Variants in MEGF11 observed in about 807,000 individuals in gnomAD.
MEGF11 encodes multiple EGF like domains 11.
A neutral mutation model predicts 146.6 loss-of-function variants in MEGF11; 126 were observed. That is an observed-to-expected ratio of 0.86 (90% CI 0.74 to 1.00). MEGF11 has a LOEUF of 1.00. Ranked by LOEUF, MEGF11 falls within the 50% of genes least tolerant of loss-of-function variation. MEGF11 has a pLI of 0.00. For missense variants in MEGF11, 1,509 were observed against 1,521.2 expected (o/e 0.99, Z 0.13); for synonymous variants, 532 against 583.4 (o/e 0.91, Z 1.27).
intron 8 of MEGF11, among the ~76,000 whole-genome samples, chr15:65,966,100 A>G (rs2081086431): frequency 6.6e-6 from 1 of 152,108 alleles, no homozygotes; most frequent in South Asian, 2.1e-4. Flanking sequence ...GGTTCAAGCT[A>G]TTCTCCTGCC....
chr15:66,209,349 TA>T (rs751648172), intron 1 of MEGF11, among the ~76,000 whole-genome samples: 44 of 138,482 alleles, frequency 3.2e-4, no homozygotes, highest in African/African-American at 3.2e-4. Flanking sequence ...GACTCCATCT[TA>T]AAAAAAAAAA....
intron 13 of MEGF11, among the ~76,000 whole-genome samples, chr15:65,927,115 T>G (rs1179011562): frequency 6.6e-6 from 1 of 152,248 alleles, no homozygotes; most frequent in Non-Finnish European, 1.5e-5. Context: ...GACTGGCTAG[T>G]AGGTTCACTT....
chr15:66,022,694 G>T (rs1165849932), intron 5 of MEGF11, among the ~76,000 whole-genome samples: 1 of 151,970 alleles, frequency 6.6e-6, no homozygotes, highest in African/African-American at 2.4e-5. Context: ...CTGAGGCGTG[G>T]TGGCGCATGC....
intron 24 of MEGF11, chr15:65,905,730 C>T (rs1048785172): frequency 1.1e-5 from 2 of 179,680 alleles, no homozygotes; most frequent in African/African-American, 4.7e-5. Context: ...GACAGGAGGC[C>T]TCTGGGGCAG....
At chr15:65,984,403 G>A (rs967279023) in intron 5 of MEGF11, among the ~76,000 whole-genome samples, 13 of 151,936 alleles carry the variant, frequency 8.6e-5, no homozygotes, top group African/African-American at 3.1e-4. Context: ...GCATGCGCCT[G>A]TAGTCCCAGC....
chr15:66,165,946 G>A (rs533871873), intron 1 of MEGF11, among the ~76,000 whole-genome samples: 3 of 152,280 alleles, frequency 2.0e-5, no homozygotes, highest in East Asian at 3.9e-4. Flanking sequence ...GCCAGGCAGG[G>A]TGGCTGAGCT....
intron 5 of MEGF11, among the ~76,000 whole-genome samples, chr15:66,007,019 T>C (rs565122772): frequency 6.6e-6 from 1 of 152,224 alleles, no homozygotes; most frequent in Non-Finnish European, 1.5e-5. Flanking sequence ...ATTCTTCCCC[T>C]CTTGGCTCAG....
At chr15:66,036,638 G>C (rs1417912419) in intron 5 of MEGF11, among the ~76,000 whole-genome samples, 2 of 152,136 alleles carry the variant, frequency 1.3e-5, no homozygotes, top group African/African-American at 4.8e-5. Flanking sequence ...TTCATCTTTG[G>C]AGTCCATGTC....
chr15:66,052,435 T>C (rs2084488968), intron 5 of MEGF11, among the ~76,000 whole-genome samples: 1 of 152,136 alleles, frequency 6.6e-6, no homozygotes, highest in African/African-American at 2.4e-5. Flanking sequence ...TTGAAAGAGC[T>C]CTCAAAAGCA....
At chr15:65,931,029 C>T in intron 10 of MEGF11, 86 bp from the exon 11 acceptor site, 12 of 1,378,156 alleles carry the variant, frequency 8.7e-6, no homozygotes, top group South Asian at 1.6e-5. Context: ...CCTGCTGCCC[C>T]CAACATGTCC....
At chr15:66,126,907 G>A (rs997569458) in intron 2 of MEGF11, among the ~76,000 whole-genome samples, 6 of 152,196 alleles carry the variant, frequency 3.9e-5, no homozygotes, top group Non-Finnish European at 8.8e-5. Flanking sequence ...CAGCATCTCC[G>A]GGATAGGCCC....
chr15:66,033,096 A>G lies in MEGF11; in HGVS notation c.395-50608T>C, dbSNP rs767388109. Among the ~76,000 whole-genome samples, 298 of 151,308 alleles carry G rather than the reference A, an allele frequency of 2.0e-3. 2 individuals carry two copies. Among genetic ancestry groups the G allele is most frequent in the Non-Finnish European group, 3.4e-3 (232 of 67,752 alleles). On this transcript the variant is annotated intron_variant, in intron 5 of 25. Coordinates refer to ENST00000395614, the MANE Select transcript of MEGF11 (RefSeq NM_001385028.1). ...ACTCCATCAAAAAAAAAAAAAAAAA[A>G]AAAAAAAAAGAAGCAGAGAAGAAAT...
chr15:65,956,700 C>T (rs569636102), intron 10 of MEGF11, among the ~76,000 whole-genome samples: 1 of 152,290 alleles, frequency 6.6e-6, no homozygotes, highest in African/African-American at 2.4e-5. Flanking sequence ...ATGTCAAGTT[C>T]CCCAGAAACA....
At chr15:66,141,136 G>A (rs1439278740) in intron 1 of MEGF11, among the ~76,000 whole-genome samples, 4 of 152,044 alleles carry the variant, frequency 2.6e-5, no homozygotes, top group Admixed American at 6.6e-5. Context: ...TGCAGGTGGC[G>A]AAATGCAGGC....
chr15:66,171,178 C>T (rs990200290), intron 1 of MEGF11, among the ~76,000 whole-genome samples: 13 of 152,322 alleles, frequency 8.5e-5, no homozygotes, highest in African/African-American at 2.9e-4. Flanking sequence ...GTCACGGTGA[C>T]CACAGCACCA....
At chr15:66,028,558 G>A (rs1280052033) in intron 5 of MEGF11, among the ~76,000 whole-genome samples, 1 of 152,118 alleles carries the variant, frequency 6.6e-6, no homozygotes, top group Non-Finnish European at 1.5e-5. Context: ...GTATCCAATG[G>A]AAATCATTCA....
chr15:66,074,243 T>G (rs1323371635), intron 5 of MEGF11, among the ~76,000 whole-genome samples: 2 of 152,256 alleles, frequency 1.3e-5, no homozygotes, highest in Non-Finnish European at 2.9e-5. Flanking sequence ...TGCATGCTTT[T>G]ACACTTCTAT....
At chr15:66,106,610 G>A (rs6494553) in intron 4 of MEGF11, among the ~76,000 whole-genome samples, 90,589 of 151,964 alleles carry the variant, frequency 0.6, 27,604 homozygotes, top group South Asian at 0.7. Context: ...AGTCACACAG[G>A]CAGTAGGCAG....
chr15:66,087,075 A>C (rs963470383), intron 5 of MEGF11, among the ~76,000 whole-genome samples: 3 of 152,242 alleles, frequency 2.0e-5, no homozygotes, highest in Admixed American at 6.5e-5. Flanking sequence ...AGAGAGACAA[A>C]GAGGGATATT....
Sources: gnomAD v4.1 joint callset for allele counts (sites outside exome capture counted in the v4.1 genomes callset) on GRCh38, gnomAD v4.1.1 for gene constraint, MANE v1.5 for transcripts, NCBI Gene and HGNC (gene_info 2026-07-23, HGNC 2026-07-21) for gene names.